The following CSNK1A1 variants were observed in gnomAD, a reference collection of about 807,000 sequenced individuals.
CSNK1A1 encodes casein kinase I isoform alpha.
A neutral mutation model predicts 46.1 loss-of-function variants in CSNK1A1; 7 were observed. That is an observed-to-expected ratio of 0.15 (90% CI 0.09 to 0.29). The LOEUF (loss-of-function observed/expected upper bound fraction) is 0.29, where lower values mean the gene tolerates loss of function less well. Ranked by LOEUF, CSNK1A1 falls within the 10% of genes least tolerant of loss-of-function variation. CSNK1A1 has a pLI of 1.00. For synonymous variants in CSNK1A1, 137 were observed against 141.5 expected (o/e 0.97, Z 0.23); for missense variants, 96 against 417.1 (o/e 0.23, Z 6.71).
At chr5:149,512,991 T>G (rs1761278542) in intron 5 of CSNK1A1, 79 bp downstream of exon 5, 2 of 1,530,442 alleles carry the variant, frequency 1.3e-6, no homozygotes, top group Non-Finnish European at 1.8e-6. Context: ...TTAGACATTG[T>G]AAGAAACTAA....
At chr5:149,502,132 T>C in intron 9 of CSNK1A1, 1 of 973,746 alleles carries the variant, frequency 1.0e-6, no homozygotes, top group Non-Finnish European at 1.2e-6. Context: ...AACATTCTTA[T>C]TAAGTTATTA....
chr5:149,505,168 G>T, intron 9 of CSNK1A1: 2 of 1,081,888 alleles, frequency 1.8e-6, no homozygotes, highest in Non-Finnish European at 2.2e-6. Flanking sequence ...GAGTAAAAAA[G>T]ATGCAGTTGT....
intron 9 of CSNK1A1, among the ~76,000 whole-genome samples, chr5:149,500,417 A>C (rs1475481711): frequency 6.6e-6 from 1 of 151,306 alleles, no homozygotes; most frequent in South Asian, 2.1e-4. Context: ...GATTACAGGC[A>C]TGAGCCACCG....
intron 8 of CSNK1A1, among the ~76,000 whole-genome samples, chr5:149,506,153 C>G (rs780167548): frequency 1.1e-4 from 16 of 152,264 alleles, no homozygotes; most frequent in Non-Finnish European, 1.3e-4. Context: ...TCTCGAGCTC[C>G]TGGCCTCAGG....
chr5:149,532,961 A>G (rs1357924747), intron 2 of CSNK1A1, among the ~76,000 whole-genome samples: 2 of 152,162 alleles, frequency 1.3e-5, no homozygotes, highest in African/African-American at 4.8e-5. Flanking sequence ...AAAATCATGT[A>G]TGTTTTGCTC....
At chr5:149,528,607 C>A (rs1761792384) in intron 2 of CSNK1A1, among the ~76,000 whole-genome samples, 1 of 152,168 alleles carries the variant, frequency 6.6e-6, no homozygotes, top group Non-Finnish European at 1.5e-5. Flanking sequence ...ATTCTGAGAG[C>A]TTTTCTCTAC....
At position 149,493,216 on chromosome 5, in the gene CSNK1A1, G is replaced by GC. The variant is rs1439554046; in HGVS notation, c.*3636dup. 6.6e-6 allele frequency: 1 copy of GC among 152,158 alleles called. No homozygotes were observed. The highest frequency in any genetic ancestry group is 2.4e-5 in the African/African-American group (1 of 41,422). 9.4% of individuals were successfully genotyped at this position (152,158 alleles called of 1,614,324 possible). On this transcript the variant is annotated 3_prime_UTR_variant, in exon 10 of 10. Coordinates refer to ENST00000377843, the MANE Select transcript of CSNK1A1 (RefSeq NM_001892.6). ...CTCTTGAAAAGCTGGGATTACAGGC[G>GC]CCCGCCACCACACCCGGCTAATTTT...
At position 149,525,025 on chromosome 5, in the gene CSNK1A1, C is replaced by A; in HGVS notation, c.357+20G>T. ...AACAGTACTAGTCTCAGTTTATATTCTAATCAAAATTTCACATACCTGGTC... is the reference window on the plus strand; with the variant it reads ...AACAGTACTAGTCTCAGTTTATATTATAATCAAAATTTCACATACCTGGTC... On this transcript the variant is annotated intron_variant, in intron 3 of 9. Coordinates refer to ENST00000377843, the MANE Select transcript of CSNK1A1 (RefSeq NM_001892.6). The surrounding 1 kb of genome is among the most constrained non-coding windows in gnomAD (Gnocchi z 4.2). 1.3e-6 allele frequency: 2 copies of A among 1,597,698 alleles called. No individual in the cohort carries two copies. The highest frequency in any genetic ancestry group is 1.1e-5 in the South Asian group (1 of 88,408).
Position 149,532,541 on chromosome 5 carries a change from A to C in CSNK1A1, c.231-7370T>G, listed in dbSNP as rs183718577. 9.2e-5 allele frequency among the ~76,000 whole-genome samples: 14 copies of C among 152,184 alleles called. No homozygotes were observed. The East Asian group carries it at 1.4e-3, about 15-fold the overall frequency. On this transcript the variant is annotated intron_variant, in intron 2 of 9. Transcript: ENST00000377843. ...AACCCCATCTCTACTAAATATGCAA[A>C]TATCAGCCGGGCGTGGCGTTGGGCG... is the stretch of plus-strand genomic sequence containing the variant.
chr5:149,542,678 A>G (rs182715791), intron 2 of CSNK1A1, among the ~76,000 whole-genome samples: 259 of 11,148 alleles, frequency 0.023, 45 homozygotes, highest in African/African-American at 0.11. Context: ...ATATGTATAT[A>G]TATATATATA....
At chr5:149,540,798 G>A (rs995928897) in intron 2 of CSNK1A1, among the ~76,000 whole-genome samples, 8 of 152,106 alleles carry the variant, frequency 5.3e-5, no homozygotes, top group Non-Finnish European at 1.2e-4. Flanking sequence ...AAACTGATCC[G>A]GCAGGGTATG....
At chr5:149,541,888 T>C (rs188950431) in intron 2 of CSNK1A1, among the ~76,000 whole-genome samples, 146 of 148,374 alleles carry the variant, frequency 9.8e-4, no homozygotes, top group African/African-American at 3.4e-3. Flanking sequence ...GGAGAATCAC[T>C]TGAACCTGGG....
Position 149,507,137 on chromosome 5 carries a change from T to C in CSNK1A1, c.751-4A>G, listed in dbSNP as rs1307740173. 2 of 1,607,274 alleles carry C rather than the reference T, an allele frequency of 1.2e-6. No homozygotes were observed. Among genetic ancestry groups the C allele is most frequent in the Admixed American group, 3.4e-5 (2 of 59,666 alleles). ...TCGCAAATTCTGCAGGAAACCCCTATAGGTTCAAGGGTTAAAACAAAGTTA... is the reference window on the plus strand; with the variant it reads ...TCGCAAATTCTGCAGGAAACCCCTACAGGTTCAAGGGTTAAAACAAAGTTA... On this transcript the variant is annotated splice_polypyrimidine_tract_variant and splice_region_variant and intron_variant, in intron 7 of 9. Coordinates refer to ENST00000377843, the MANE Select transcript of CSNK1A1 (RefSeq NM_001892.6).
chr5:149,548,680 G>A (rs1023741129), intron 2 of CSNK1A1, among the ~76,000 whole-genome samples: 2 of 152,020 alleles, frequency 1.3e-5, no homozygotes, highest in African/African-American at 4.8e-5. Context: ...GGCCAACGTG[G>A]TGAAACTAAA....
chr5:149,520,415 T>C (rs1443739632), intron 3 of CSNK1A1, 27 bp from the exon 4 acceptor site: 6 of 1,262,886 alleles, frequency 4.8e-6, no homozygotes, highest in Middle Eastern at 3.7e-4. Context: ...GGAGAGATAA[T>C]TGAGTTAAGT....
At chr5:149,529,822 A>C (rs1761834917) in intron 2 of CSNK1A1, 1 of 440,934 alleles carries the variant, frequency 2.3e-6, no homozygotes, top group Non-Finnish European at 4.6e-6. Flanking sequence ...GAAATGGAGG[A>C]CCAGGGGAAG....
At chr5:149,515,057 A>G (rs1761358648) in intron 4 of CSNK1A1, among the ~76,000 whole-genome samples, 1 of 152,248 alleles carries the variant, frequency 6.6e-6, no homozygotes, top group African/African-American at 2.4e-5. Context: ...TAAGCAAAAC[A>G]AAAGTGATGA....
intron 9 of CSNK1A1, chr5:149,497,823 TTTTC>T (rs1760700922): frequency 1.0e-6 from 1 of 985,558 alleles, no homozygotes; most frequent in South Asian, 4.7e-5. Context: ...AAACTGCTCC[TTTTC>T]TTTTAGTTCT....
intron 9 of CSNK1A1, chr5:149,501,654 G>A: frequency 1.0e-6 from 1 of 984,126 alleles, no homozygotes; most frequent in Non-Finnish European, 1.2e-6. Context: ...GATGGGTTAA[G>A]ATGATGAGAG....
Sources: allele counts gnomAD v4.1 joint callset (sites outside exome capture counted in the v4.1 genomes callset), GRCh38; gene constraint gnomAD v4.1.1; non-coding constraint Gnocchi (gnomAD v3.1); transcripts MANE v1.5; gene names NCBI Gene and HGNC (gene_info 2026-07-23, HGNC 2026-07-21).